Variants in CRTAC1 observed in about 807,000 individuals in gnomAD.
CRTAC1 encodes acidic secreted protein in cartilage.
In CRTAC1, 37 loss-of-function variants were observed where a neutral mutation model predicts 67.8. The ratio of observed to expected loss-of-function variants is 0.55; its 90% CI spans 0.42 to 0.72. The LOEUF (loss-of-function observed/expected upper bound fraction) is 0.72, where lower values mean the gene tolerates loss of function less well. CRTAC1 is among the 30% of genes least tolerant of loss of function. The pLI is 0.00. For synonymous variants in CRTAC1, 348 were observed against 371.0 expected, an observed-to-expected ratio of 0.94 and a Z score of 0.71; for missense variants, 780 against 931.6, an observed-to-expected ratio of 0.84 and a Z score of 2.12.
intron 2 of CRTAC1, among the ~76,000 whole-genome samples, chr10:97,971,260 A>C (rs556242719): frequency 6.6e-6 from 1 of 152,356 alleles, no homozygotes; most frequent in South Asian, 2.1e-4. Context: ...AAGCTTATGC[A>C]CCCCAATGGA....
In CRTAC1 at chr10:97,895,983, C is replaced by A; in HGVS notation, c.1219G>T (p.Gly407Cys). The change falls in exon 10 of 15, where the codon GGT (glycine) becomes TGT (cysteine). Residue 407 changes from glycine to cysteine, a missense_variant and splice_region_variant. By Grantham distance (159) the Gly-to-Cys change is radical (BLOSUM62 -3). Transcript: ENST00000370597. The surrounding 1 kb of genome is among the most constrained non-coding windows in gnomAD (Gnocchi z 4.2). ...TCTCCGTCGAAGTCGGTCACCACAC[C>A]CCCTACAAACAATGCAGATTTCACC... ...ALEPEGRGTG[G>C]VVTDFDGDGM... 1 of 1,613,664 alleles carries A rather than the reference C, an allele frequency of 6.2e-7. No homozygotes were observed. The highest frequency in any genetic ancestry group is 8.5e-7 in the Non-Finnish European group (1 of 1,179,598).
At chr10:97,922,044 C>T (rs911988712) in intron 4 of CRTAC1, among the ~76,000 whole-genome samples, 2 of 152,056 alleles carry the variant, frequency 1.3e-5, no homozygotes, top group South Asian at 4.1e-4. Flanking sequence ...AAGTTGCCCA[C>T]GTTAGCTGAG....
intron 2 of CRTAC1, among the ~76,000 whole-genome samples, chr10:97,997,451 CAAAAAAAA>C (rs746635057): frequency 6.2e-5 from 3 of 48,234 alleles, no homozygotes; most frequent in Middle Eastern, 0.014. Context: ...GACTCTGTCT[CAAAAAAAA>C]AAAAAAAAAA....
At chr10:98,027,261 CG>C (rs891432776) in intron 1 of CRTAC1, among the ~76,000 whole-genome samples, 1 of 152,032 alleles carries the variant, frequency 6.6e-6, no homozygotes, top group African/African-American at 2.4e-5. Flanking sequence ...GCCAGGCTCT[CG>C]GAACAGAAGA....
At chr10:97,934,989 G>A (rs558129735) in intron 3 of CRTAC1, among the ~76,000 whole-genome samples, 9 of 151,982 alleles carry the variant, frequency 5.9e-5, no homozygotes, top group East Asian at 5.8e-4. Flanking sequence ...CGGGCGCGGC[G>A]GGGAAACCAC....
chr10:97,987,803 T>C (rs936373087), intron 2 of CRTAC1, among the ~76,000 whole-genome samples: 5 of 152,216 alleles, frequency 3.3e-5, no homozygotes, highest in South Asian at 2.1e-4. Flanking sequence ...TGAGTGACTA[T>C]GTCATGATTA....
intron 2 of CRTAC1, among the ~76,000 whole-genome samples, chr10:97,953,794 C>T (rs2051397770): frequency 6.6e-6 from 1 of 152,184 alleles, no homozygotes; most frequent in Non-Finnish European, 1.5e-5. Flanking sequence ...TTTTACCCAA[C>T]CATAATGTGT....
At chr10:97,991,097 T>TATAAA (rs1842443083) in intron 2 of CRTAC1, among the ~76,000 whole-genome samples, 1 of 22,224 alleles carries the variant, frequency 4.5e-5, no homozygotes, top group Non-Finnish European at 7.4e-5. Flanking sequence ...AAACCATCTC[T>TATAAA]ACAAAAAAAA....
At chr10:97,994,661 C>A (rs150572813) in intron 2 of CRTAC1, among the ~76,000 whole-genome samples, 142 of 152,260 alleles carry the variant, frequency 9.3e-4, no homozygotes, top group Middle Eastern at 3.4e-3. Context: ...TTGTGATATA[C>A]CTTTTCAACT....
chr10:98,027,343 G>C (rs1843259022), intron 1 of CRTAC1, among the ~76,000 whole-genome samples: 1 of 152,178 alleles, frequency 6.6e-6, no homozygotes, highest in African/African-American at 2.4e-5. Flanking sequence ...GGCAAAAATA[G>C]AATGTCCTAG....
chr10:97,884,389 G>C (rs2050253891), intron 11 of CRTAC1, 38 bp from the exon 12 acceptor site: 2 of 1,535,462 alleles, frequency 1.3e-6, no homozygotes, highest in African/African-American at 1.4e-5. Context: ...CAGCAGAGGA[G>C]AGCAGGAGGC....
rs963299776 is a variant in CRTAC1 at position 97,975,486 on chromosome 10, T to C, written c.224+35652A>G. On this transcript the variant is annotated intron_variant, in intron 2 of 14. Transcript: ENST00000370597. The surrounding 1 kb of genome is among the most constrained non-coding windows in gnomAD (Gnocchi z 4.8). ...TTCAGGGAAGAAGCAGCTGGAAGAC[T>C]CAACATCTCTTGGCATCCAAGAGCA... Among the ~76,000 whole-genome samples, 7 of 152,088 alleles carry C rather than the reference T, an allele frequency of 4.6e-5. No homozygotes were observed. Among genetic ancestry groups the C allele is most frequent in the Admixed American group, 6.5e-5 (1 of 15,284 alleles).
At chr10:98,002,517 C>G (rs924994815) in intron 2 of CRTAC1, among the ~76,000 whole-genome samples, 3 of 152,138 alleles carry the variant, frequency 2.0e-5, no homozygotes, top group South Asian at 2.1e-4. Context: ...GCTGGAAGTG[C>G]TCTCGACCCC....
chr10:97,987,965 C>T (rs2052011262), intron 2 of CRTAC1, among the ~76,000 whole-genome samples: 1 of 152,186 alleles, frequency 6.6e-6, no homozygotes, highest in Non-Finnish European at 1.5e-5. Flanking sequence ...GTAATTGGAA[C>T]TTTCTCTCTG....
At chr10:97,999,252 A>G (rs1322389489) in intron 2 of CRTAC1, among the ~76,000 whole-genome samples, 1 of 152,212 alleles carries the variant, frequency 6.6e-6, no homozygotes, top group Non-Finnish European at 1.5e-5. Context: ...TCCAAACCCC[A>G]GCTGCAGACC....
intron 1 of CRTAC1, among the ~76,000 whole-genome samples, chr10:98,012,087 G>A (rs967705555): frequency 6.6e-6 from 1 of 152,206 alleles, no homozygotes; most frequent in Non-Finnish European, 1.5e-5. Flanking sequence ...TCAGTTAGGG[G>A]AGGCGTTCCA....
chr10:98,003,494 G>A (rs1466433004), intron 2 of CRTAC1, among the ~76,000 whole-genome samples: 9 of 152,076 alleles, frequency 5.9e-5, no homozygotes, highest in Admixed American at 3.3e-4. Context: ...CTCTCCCTCC[G>A]TCTTCAAAGC....
intron 1 of CRTAC1, among the ~76,000 whole-genome samples, chr10:98,023,115 T>C (rs1034951130): frequency 3.3e-5 from 5 of 152,056 alleles, no homozygotes; most frequent in African/African-American, 1.2e-4. Context: ...TGAGCTTCCC[T>C]GCAGCAGCCA....
chr10:97,953,038 C>T (rs547582568), intron 2 of CRTAC1, among the ~76,000 whole-genome samples: 9 of 152,298 alleles, frequency 5.9e-5, no homozygotes, highest in Admixed American at 3.3e-4. Context: ...GCCTCTGCCA[C>T]TCTAGCATCT....
Sources: allele counts gnomAD v4.1 joint callset (sites outside exome capture counted in the v4.1 genomes callset), GRCh38; gene constraint gnomAD v4.1.1; non-coding constraint Gnocchi (gnomAD v3.1); transcripts MANE v1.5; gene names NCBI Gene and HGNC (gene_info 2026-07-23, HGNC 2026-07-21).